GRM8: variants seen among roughly 807,000 people sequenced by gnomAD.
The protein encoded by GRM8 is glutamate metabotropic receptor 8.
In GRM8, 47 loss-of-function variants were observed where a neutral mutation model predicts 87.2. The observed-to-expected ratio is 0.54, with a 90% CI of 0.43 to 0.69. The LOEUF (loss-of-function observed/expected upper bound fraction) is 0.69. GRM8 is among the 30% of genes least tolerant of loss of function. The pLI is 0.00. For missense variants in GRM8, 1,019 were observed against 1,139.2 expected (o/e 0.89, Z 1.52); for synonymous variants, 396 against 404.5 (o/e 0.98, Z 0.25).
chr7:127,216,289 C>T (rs550644172), intron 2 of GRM8, among the ~76,000 whole-genome samples: 46 of 151,858 alleles, frequency 3.0e-4, no homozygotes, highest in Non-Finnish European at 4.4e-4. Context: ...GAGGCCGAGG[C>T]GGGAGGATCA....
At chr7:126,494,284 C>T (rs1206820775) in intron 9 of GRM8, among the ~76,000 whole-genome samples, 5 of 151,826 alleles carry the variant, frequency 3.3e-5, no homozygotes, top group Admixed American at 6.6e-5. Context: ...TGCAATATCA[C>T]CATTAGCTCA....
At chr7:127,070,736 T>C (rs1254242865) in intron 3 of GRM8, among the ~76,000 whole-genome samples, 1 of 152,206 alleles carries the variant, frequency 6.6e-6, no homozygotes, top group African/African-American at 2.4e-5. Flanking sequence ...AATTCTGAAC[T>C]GAAGGGACTA....
intron 8 of GRM8, among the ~76,000 whole-genome samples, chr7:126,591,933 T>C (rs1195864666): frequency 6.6e-6 from 1 of 151,722 alleles, no homozygotes; most frequent in African/African-American, 2.4e-5. Context: ...TTACAACTGA[T>C]ACATCAGAAA....
chr7:126,910,916 T>C (rs1313891965), intron 3 of GRM8, among the ~76,000 whole-genome samples: 2 of 152,182 alleles, frequency 1.3e-5, no homozygotes, highest in Non-Finnish European at 1.5e-5. Context: ...CACATAATCT[T>C]GAAAAGTCTC....
At chr7:126,450,548 A>G (rs1416722343) in intron 9 of GRM8, among the ~76,000 whole-genome samples, 2 of 151,778 alleles carry the variant, frequency 1.3e-5, no homozygotes, top group Non-Finnish European at 2.9e-5. Flanking sequence ...CCAAAGTGAA[A>G]CTTGCATCAA....
At chr7:127,105,115 C>G (rs1015849876) in intron 3 of GRM8, among the ~76,000 whole-genome samples, 1 of 152,122 alleles carries the variant, frequency 6.6e-6, no homozygotes, top group South Asian at 2.1e-4. Context: ...AACCCTGTTT[C>G]CAGAAGCTAT....
At chr7:126,730,791 T>C (rs1813501105) in intron 7 of GRM8, among the ~76,000 whole-genome samples, 1 of 152,128 alleles carries the variant, frequency 6.6e-6, no homozygotes, top group Non-Finnish European at 1.5e-5. Context: ...GTTGAGGAAT[T>C]AAATTAAAAA....
intron 2 of GRM8, among the ~76,000 whole-genome samples, chr7:127,157,658 T>C (rs1219219681): frequency 2.6e-5 from 4 of 152,122 alleles, no homozygotes; most frequent in African/African-American, 4.8e-5. Flanking sequence ...AAAATATACA[T>C]TGTTGCTGAC....
intron 7 of GRM8, among the ~76,000 whole-genome samples, chr7:126,677,575 A>C (rs964692611): frequency 7.9e-5 from 12 of 152,156 alleles, no homozygotes; most frequent in Admixed American, 2.0e-4. Flanking sequence ...ACTATAGGCT[A>C]TTATTCTAAG....
intron 9 of GRM8, among the ~76,000 whole-genome samples, chr7:126,475,098 T>G (rs1220170102): frequency 5.3e-5 from 8 of 152,136 alleles, no homozygotes; most frequent in South Asian, 2.1e-4. Flanking sequence ...TTTTGCCATT[T>G]CTATTCAACA....
intron 3 of GRM8, among the ~76,000 whole-genome samples, chr7:126,915,508 G>T (rs953347725): frequency 7.2e-5 from 11 of 152,176 alleles, no homozygotes; most frequent in Non-Finnish European, 1.3e-4. Context: ...GATTCCTCAA[G>T]GGGGATATAG....
chr7:126,545,795 C>T (rs1191524218), intron 8 of GRM8, among the ~76,000 whole-genome samples: 1 of 152,130 alleles, frequency 6.6e-6, no homozygotes, highest in Non-Finnish European at 1.5e-5. Flanking sequence ...TCCCTAATGG[C>T]AATTCTGCAA....
chr7:126,583,135 G>A (rs2151017892), intron 8 of GRM8, among the ~76,000 whole-genome samples: 1 of 152,116 alleles, frequency 6.6e-6, no homozygotes, highest in East Asian at 1.9e-4. Flanking sequence ...GCGGGTGGAT[G>A]ACCTGAGGTC....
At chr7:126,477,629 A>G (rs1317581974) in intron 9 of GRM8, among the ~76,000 whole-genome samples, 1 of 150,706 alleles carries the variant, frequency 6.6e-6, no homozygotes, top group African/African-American at 2.5e-5. Flanking sequence ...GAAAGAAAGA[A>G]AGAAAGAAAA....
Position 126,769,915 on chromosome 7 carries a change from G to C in GRM8, c.1307C>G (p.Thr436Ser). The change falls in exon 7 of 11, where the codon ACC becomes AGC. Residue 436 changes from threonine to serine, a missense_variant. Coordinates refer to ENST00000339582, the MANE Select transcript of GRM8 (RefSeq NM_000845.3). ...GYIGLCPRMS[T>S]IDGKELLGYI... is the part of the protein sequence containing the mutation. ...ACCAAGTAGCTCTTTCCCATCAATG[G>C]TACTCATTCGTGGACAAAGGCCAAT... is the stretch of plus-strand genomic sequence containing the variant. 1.9e-6 allele frequency: 3 copies of C among 1,612,744 alleles called. No individual in the cohort carries two copies. Among genetic ancestry groups the C allele is most frequent in the Non-Finnish European group, 2.5e-6 (3 of 1,179,040 alleles).
At chr7:126,801,983 T>C (rs1021972171) in intron 6 of GRM8, among the ~76,000 whole-genome samples, 2 of 152,206 alleles carry the variant, frequency 1.3e-5, no homozygotes, top group Non-Finnish European at 2.9e-5. Flanking sequence ...TGTGTCACTA[T>C]ATTACTGATG....
At chr7:126,943,261 T>C (rs1241055278) in intron 3 of GRM8, among the ~76,000 whole-genome samples, 1 of 152,212 alleles carries the variant, frequency 6.6e-6, no homozygotes, top group Non-Finnish European at 1.5e-5. Flanking sequence ...ACTCAAAAGA[T>C]GCCAGAATTC....
intron 3 of GRM8, among the ~76,000 whole-genome samples, chr7:127,001,366 T>A (rs1032855421): frequency 2.4e-4 from 36 of 151,760 alleles, no homozygotes; most frequent in African/African-American, 8.2e-4. Context: ...ATATAGACTA[T>A]AATTACATGT....
chr7:126,799,310 A>C (rs949023270), intron 6 of GRM8, among the ~76,000 whole-genome samples: 50 of 152,114 alleles, frequency 3.3e-4, no homozygotes, highest in African/African-American at 1.2e-3. Flanking sequence ...CTAAAACTGA[A>C]GGCACGCTCA....
Sources: allele counts gnomAD v4.1 joint callset (sites outside exome capture counted in the v4.1 genomes callset), GRCh38; gene constraint gnomAD v4.1.1; transcripts MANE v1.5; gene names NCBI Gene and HGNC (gene_info 2026-07-23, HGNC 2026-07-21).